Variants in DNM3 observed in about 807,000 individuals in gnomAD.
The protein encoded by DNM3 is dynamin-3.
DNM3 carries 47 observed loss-of-function variants against 101.6 expected under a neutral mutation model. That is an observed-to-expected ratio of 0.46 (90% CI 0.37 to 0.59). The LOEUF is 0.59. DNM3 is among the 20% of genes least tolerant of loss of function. The probability of loss-of-function intolerance (pLI) is 0.00; values close to 1 mark genes in which losing one functional copy is unlikely to be tolerated. For synonymous variants in DNM3, 385 were observed against 387.9 expected (o/e 0.99, Z 0.09); for missense variants, 849 against 1,085.7 (o/e 0.78, Z 3.06).
chr1:171,972,542 C>T (rs1412786507), intron 2 of DNM3, among the ~76,000 whole-genome samples: 1 of 152,042 alleles, frequency 6.6e-6, no homozygotes, highest in Non-Finnish European at 1.5e-5. Flanking sequence ...AGGCAGTATG[C>T]GAGGCACTTT....
intron 14 of DNM3, among the ~76,000 whole-genome samples, chr1:172,163,452 A>G (rs374514010): frequency 6.6e-6 from 1 of 151,766 alleles, no homozygotes; most frequent in African/African-American, 2.4e-5. Context: ...GTTAGCCAGG[A>G]TGGTCTCAAT....
chr1:172,253,187 T>C (rs1573148165), intron 14 of DNM3, among the ~76,000 whole-genome samples: 1 of 152,082 alleles, frequency 6.6e-6, no homozygotes, highest in East Asian at 1.9e-4. Context: ...ATGGCTAAAG[T>C]CTTAATATCA....
At chr1:171,956,985 G>A (rs567354234) in intron 2 of DNM3, among the ~76,000 whole-genome samples, 1 of 152,198 alleles carries the variant, frequency 6.6e-6, no homozygotes, top group African/African-American at 2.4e-5. Context: ...CACAGAGCAG[G>A]GGGATCCTGG....
intron 14 of DNM3, among the ~76,000 whole-genome samples, chr1:172,200,615 A>C (rs888018649): frequency 2.0e-5 from 3 of 151,780 alleles, no homozygotes; most frequent in Non-Finnish European, 4.4e-5. Context: ...TTTATTCTTT[A>C]ATTTATTTTT....
At chr1:171,854,887 A>G (rs1437081189) in intron 1 of DNM3, among the ~76,000 whole-genome samples, 2 of 151,988 alleles carry the variant, frequency 1.3e-5, no homozygotes, top group Admixed American at 6.6e-5. Context: ...TTTTTTAAAA[A>G]TTATTATTTT....
At chr1:172,295,468 G>A (rs187998483) in intron 15 of DNM3, among the ~76,000 whole-genome samples, 1 of 151,844 alleles carries the variant, frequency 6.6e-6, no homozygotes, top group Non-Finnish European at 1.5e-5. Context: ...CATGAAGAAA[G>A]CAGCAGAAAG....
chr1:172,393,066 T>C (rs1254458847), intron 20 of DNM3: 1 of 152,230 alleles, frequency 6.6e-6, no homozygotes, highest in Non-Finnish European at 1.5e-5. Context: ...GGTGGCTTCC[T>C]TGACTTATGT....
intron 14 of DNM3, among the ~76,000 whole-genome samples, chr1:172,244,039 C>G (rs533671911): frequency 6.6e-6 from 1 of 152,198 alleles, no homozygotes; most frequent in African/African-American, 2.4e-5. Context: ...CAACAGTCCC[C>G]AGAGTGTGAT....
intron 14 of DNM3, among the ~76,000 whole-genome samples, chr1:172,196,556 C>T (rs2059956143): frequency 6.6e-6 from 1 of 152,030 alleles, no homozygotes; most frequent in African/African-American, 2.4e-5. Context: ...TCTCCACAAC[C>T]TTGCCAGCAT....
In DNM3 at chr1:172,056,784, T is replaced by C. The variant is rs190789689; in HGVS notation, c.1335+8034T>C. Among the ~76,000 whole-genome samples, 543 of 152,036 alleles carry C rather than the reference T, an allele frequency of 3.6e-3. 3 individuals are homozygous for C. Among genetic ancestry groups the C allele is most frequent in the South Asian group, 7.7e-3 (37 of 4,800 alleles). ...AACTGGAAACTCTAAAAAAGCAGAG[T>C]GCCTCTCCTCCTCCAAAGGAACACA... On this transcript the variant is annotated intron_variant, in intron 10 of 20. Transcript: ENST00000627582.
chr1:172,070,485 A>G (rs1024649497), intron 11 of DNM3, among the ~76,000 whole-genome samples: 25 of 152,222 alleles, frequency 1.6e-4, no homozygotes, highest in East Asian at 7.7e-4. Flanking sequence ...TCAAAATAAT[A>G]TTGGAGAAAA....
In DNM3 at chr1:171,904,773, C is replaced by T. The variant is rs567140674; in HGVS notation, c.162-16975C>T. 4.7e-4 allele frequency among the ~76,000 whole-genome samples: 71 copies of T among 152,144 alleles called. 1 individual carries two copies. Among genetic ancestry groups the T allele is most frequent in the African/African-American group, 1.6e-3 (67 of 41,492 alleles). ...GGATGACTGAGCACTGAGACCATGA[C>T]TTTGATATCCATGGTGAAGGTCCTT... On this transcript the variant is annotated intron_variant, in intron 1 of 20. Transcript: ENST00000627582.
chr1:172,013,764 G>A (rs1403531656), intron 4 of DNM3, among the ~76,000 whole-genome samples: 1 of 152,056 alleles, frequency 6.6e-6, no homozygotes. Context: ...GGGGGCATGT[G>A]AAGAAGTAAA....
chr1:172,113,444 C>T (rs905711130), intron 13 of DNM3, among the ~76,000 whole-genome samples: 3 of 151,704 alleles, frequency 2.0e-5, no homozygotes, highest in African/African-American at 7.3e-5. Context: ...ATGGTGAAAC[C>T]CCATCTCTAC....
chr1:172,360,655 C>T (rs564808752), intron 17 of DNM3, among the ~76,000 whole-genome samples: 1 of 152,132 alleles, frequency 6.6e-6, no homozygotes, highest in East Asian at 1.9e-4. Flanking sequence ...ACCCAGCTCC[C>T]CTCTGGATCA....
At chr1:172,246,801 G>C (rs1323888544) in intron 14 of DNM3, among the ~76,000 whole-genome samples, 1 of 152,010 alleles carries the variant, frequency 6.6e-6, no homozygotes, top group Non-Finnish European at 1.5e-5. Context: ...GAGCATGAAG[G>C]GCTTGGATTA....
At chr1:172,340,896 G>A (rs559399517) in intron 17 of DNM3, among the ~76,000 whole-genome samples, 5 of 152,156 alleles carry the variant, frequency 3.3e-5, no homozygotes, top group Non-Finnish European at 7.3e-5. Context: ...TCAGGGAAGT[G>A]CTTCCAGCTT....
intron 6 of DNM3, 102 bp downstream of exon 6, chr1:172,033,367 AGACATGCAGCTTCAATGATAGG>A: frequency 1.6e-6 from 2 of 1,270,382 alleles, no homozygotes; most frequent in Non-Finnish European, 2.1e-6. Context: ...TTCCAAAACA[AGACATGCAGCTTCAATGATAGG>A]GATTTTAAAA....
intron 16 of DNM3, among the ~76,000 whole-genome samples, chr1:172,311,559 G>A (rs182788434): frequency 7.9e-5 from 12 of 152,202 alleles, no homozygotes; most frequent in Admixed American, 1.3e-4. Flanking sequence ...TCGTCCCACC[G>A]CACTCCAGCC....
Sources: allele counts gnomAD v4.1 joint callset (sites outside exome capture counted in the v4.1 genomes callset), GRCh38; gene constraint gnomAD v4.1.1; transcripts MANE v1.5; gene names NCBI Gene and HGNC (gene_info 2026-07-23, HGNC 2026-07-21).